Variants in GSN observed in about 807,000 individuals in gnomAD.
The protein encoded by GSN is actin-depolymerizing factor.
GSN carries 56 observed loss-of-function variants against 85.7 expected under a neutral mutation model. The observed-to-expected ratio is 0.65, with a 90% CI of 0.53 to 0.82. GSN has a LOEUF of 0.82. GSN is among the 40% of genes least tolerant of loss of function. The pLI is 0.00. For synonymous variants in GSN, 373 were observed against 399.1 expected (o/e 0.93, Z 0.78); for missense variants, 857 against 979.8 (o/e 0.87, Z 1.67).
At chr9:121,276,089 T>C (rs1254848370) in intron 1 of GSN, among the ~76,000 whole-genome samples, 2 of 152,222 alleles carry the variant, frequency 1.3e-5, no homozygotes, top group Admixed American at 1.3e-4. Context: ...CGAATTCAAG[T>C]GTGAGAAGCA....
chr9:121,254,122 A>G (rs892356270), intron 6 of GSN, among the ~76,000 whole-genome samples: 4 of 152,244 alleles, frequency 2.6e-5, no homozygotes, highest in African/African-American at 7.2e-5. Context: ...AAACAAGCCA[A>G]AAAAGAAAAA....
intron 6 of GSN, among the ~76,000 whole-genome samples, chr9:121,259,434 G>A (rs1240222386): frequency 1.3e-5 from 2 of 152,132 alleles, no homozygotes; most frequent in African/African-American, 2.4e-5. Flanking sequence ...CTCTAAAACT[G>A]AGCCTGAAAA....
intron 1 of GSN, among the ~76,000 whole-genome samples, chr9:121,271,218 C>A (rs967244029): frequency 1.3e-5 from 2 of 152,094 alleles, no homozygotes; most frequent in Non-Finnish European, 2.9e-5. Context: ...AAAATACGTG[C>A]TGGGATGCTC....
At position 121,299,916 on chromosome 9, in the gene GSN, T is replaced by G. The variant is rs1323274867; in HGVS notation, c.-9-2047T>G. ...GCTTTGCGCGCTGTCCCTGGCGCTG[T>G]GCGCGCTGTCGCTGCCCGTCCGCGC... On this transcript the variant is annotated intron_variant, in intron 2 of 17. Transcript: ENST00000432226. This position sits in a 1 kb window ranked among gnomAD's most constrained non-coding sequence, Gnocchi z 4.2. 2 of 1,265,534 alleles carry G rather than the reference T, an allele frequency of 1.6e-6. No individual in the cohort carries two copies. The highest frequency in any genetic ancestry group is 3.1e-5 in the African/African-American group (2 of 63,852). 78.4% of individuals were successfully genotyped at this position (1,265,534 alleles called of 1,614,324 possible).
chr9:121,312,756 T>A, intron 6 of GSN: 1 of 265,338 alleles, frequency 3.8e-6, no homozygotes, highest in East Asian at 8.1e-5. Flanking sequence ...GCCTCCCGAG[T>A]AGCTGGGACC....
Position 121,310,762 on chromosome 9 carries a change from C to A in GSN, c.430C>A (p.Arg144=), listed in dbSNP as rs138951454. The change falls in exon 5 of 18, where the codon CGG becomes AGG. Residue 144 remains arginine, a synonymous_variant. Coordinates refer to ENST00000432226, the MANE Select transcript of GSN (RefSeq NM_198252.3). ...VVQRLFQVKG[R]RVVRATEVPV... is the part of the protein sequence containing the mutation. ...GCAGAGACTCTTCCAGGTCAAAGGG[C>A]GGCGTGTGGTCCGTGCCACCGAGGT... is the stretch of plus-strand genomic sequence containing the variant. 1.9e-6 allele frequency: 3 copies of A among 1,613,968 alleles called. No homozygotes were observed. The highest frequency in any genetic ancestry group is 1.7e-5 in the Admixed American group (1 of 60,026).
At chr9:121,240,209 T>A (rs1179384817) in intron 5 of GSN, 1 of 152,262 alleles carries the variant, frequency 6.6e-6, no homozygotes, top group Non-Finnish European at 1.5e-5. Flanking sequence ...CTAGCCTGAT[T>A]ACCTCATTTT....
rs1161793961 is a variant in GSN at position 121,302,897 on chromosome 9, C to T, written c.197-14C>T. The T allele has an allele frequency of 2.5e-6, 4 of 1,613,112 alleles. No individual in the cohort carries two copies. The highest frequency in any genetic ancestry group is 2.7e-5 in the African/African-American group (2 of 74,906). The stretch of plus-strand genomic sequence containing the variant: ...TCTGGAAAGCCAGGCTCATATTGCT[C>T]TGATGTCCCGTAGGCAATGAGTGCA... On this transcript the variant is annotated splice_polypyrimidine_tract_variant and intron_variant, in intron 3 of 17. Transcript: ENST00000432226.
At chr9:121,227,410 G>A (rs2054291710) in intron 4 of GSN, among the ~76,000 whole-genome samples, 1 of 151,848 alleles carries the variant, frequency 6.6e-6, no homozygotes, top group South Asian at 2.1e-4. Flanking sequence ...AAAAAAGAGA[G>A]AGAGAGAAGA....
chr9:121,285,087 C>G (rs559456016), intron 2 of GSN: 41 of 167,314 alleles, frequency 2.5e-4, no homozygotes, highest in African/African-American at 8.4e-4. Flanking sequence ...CCCTGACTTG[C>G]TCTGTGCCCT....
In GSN at chr9:121,310,746, C is replaced by G. The variant is rs1003359989; in HGVS notation, c.414C>G (p.Leu138=). Residue 138 remains leucine (L), a synonymous_variant, in exon 5 of 18, where the codon CTC becomes CTG. Transcript: ENST00000432226. Reference sequence around the variant, plus strand: ...CCAACGAGGTGGTGGTGCAGAGACTCTTCCAGGTCAAAGGGCGGCGTGTGG... The same window carrying G: ...CCAACGAGGTGGTGGTGCAGAGACTGTTCCAGGTCAAAGGGCGGCGTGTGG... The part of the protein sequence containing the change: ...VVPNEVVVQR[L]FQVKGRRVVR... 5.0e-6 allele frequency: 8 copies of G among 1,614,142 alleles called. No homozygotes were observed. The highest frequency in any genetic ancestry group is 1.3e-5 in the African/African-American group (1 of 75,046).
chr9:121,219,100 C>T (rs2054120105), intron 4 of GSN, among the ~76,000 whole-genome samples: 2 of 152,104 alleles, frequency 1.3e-5, no homozygotes, highest in African/African-American at 4.8e-5. Context: ...AGGATGCTTC[C>T]TTGATGGACA....
At chr9:121,246,105 A>T (rs559169308) in intron 5 of GSN, among the ~76,000 whole-genome samples, 1 of 152,214 alleles carries the variant, frequency 6.6e-6, no homozygotes, top group Non-Finnish European at 1.5e-5. Context: ...ATTTGCCTCA[A>T]AATTATCTGA....
At chr9:121,218,057 T>C (rs774603725) in intron 4 of GSN, among the ~76,000 whole-genome samples, 1 of 152,164 alleles carries the variant, frequency 6.6e-6, no homozygotes, top group Non-Finnish European at 1.5e-5. Context: ...CCAGTCTACC[T>C]CATGCCCTGA....
intron 12 of GSN, among the ~76,000 whole-genome samples, chr9:121,325,509 G>A (rs968060237): frequency 9.2e-5 from 14 of 152,214 alleles, no homozygotes; most frequent in African/African-American, 3.1e-4. Context: ...CCTTGATGCT[G>A]AGAACAACAG....
intron 4 of GSN, among the ~76,000 whole-genome samples, chr9:121,215,644 AGATCGCGCCACT>A (rs956715033): frequency 2.0e-5 from 3 of 152,030 alleles, no homozygotes; most frequent in African/African-American, 7.2e-5. Flanking sequence ...CAGTGAGCCA[AGATCGCGCCACT>A]GCACTCCAGC....
intron 11 of GSN, among the ~76,000 whole-genome samples, chr9:121,322,731 T>C (rs1432179538): frequency 6.6e-6 from 1 of 152,226 alleles, no homozygotes; most frequent in Non-Finnish European, 1.5e-5. Flanking sequence ...TTTTGGGCGT[T>C]TGCCAATCTT....
intron 4 of GSN, among the ~76,000 whole-genome samples, chr9:121,227,484 G>A (rs375684275): frequency 8.5e-5 from 13 of 152,152 alleles, no homozygotes; most frequent in African/African-American, 2.9e-4. Context: ...GACCCAAGTA[G>A]GTGGTAGTGG....
chr9:121,254,438 A>G (rs1314137155), intron 6 of GSN, among the ~76,000 whole-genome samples: 1 of 152,076 alleles, frequency 6.6e-6, no homozygotes, highest in East Asian at 1.9e-4. Context: ...CTCTCTCCCA[A>G]GTTCCTGCTC....
Sources: allele counts gnomAD v4.1 joint callset (sites outside exome capture counted in the v4.1 genomes callset), GRCh38; gene constraint gnomAD v4.1.1; non-coding constraint Gnocchi (gnomAD v3.1); transcripts MANE v1.5; gene names NCBI Gene and HGNC (gene_info 2026-07-23, HGNC 2026-07-21).